Variants in MTAP observed in about 807,000 individuals in gnomAD.
The protein encoded by MTAP is S-methyl-5'-thioadenosine phosphorylase.
A neutral mutation model predicts 33.6 loss-of-function variants in MTAP; 33 were observed. That is an observed-to-expected ratio of 0.98 (90% confidence interval 0.74 to 1.31). The LOEUF (loss-of-function observed/expected upper bound fraction) is 1.31, where lower values mean the gene tolerates loss of function less well. Ranked by LOEUF, MTAP falls within the 40% of genes most tolerant of loss-of-function variation. The pLI is 0.00. For missense variants in MTAP, 367 were observed against 360.0 expected (o/e 1.02, Z -0.16); for synonymous variants, 148 against 125.7 (o/e 1.18, Z -1.19).
chr9:21,885,721 T>C (rs1818097262), intron 1 of MTAP, among the ~76,000 whole-genome samples: 1 of 151,940 alleles, frequency 6.6e-6, no homozygotes. Flanking sequence ...CCCAAATCCA[T>C]CCAGGTTGCT....
chr9:21,913,075 T>A (rs375512186), intron 1 of MTAP, among the ~76,000 whole-genome samples: 5 of 151,946 alleles, frequency 3.3e-5, no homozygotes, highest in Non-Finnish European at 5.9e-5. Context: ...CTTACAAGGG[T>A]TGTGAAGGAC....
intron 1 of MTAP, among the ~76,000 whole-genome samples, chr9:21,895,316 G>T (rs144945427): frequency 2.3e-4 from 35 of 152,322 alleles, no homozygotes; most frequent in African/African-American, 7.0e-4. Flanking sequence ...CATGGTACTT[G>T]TATTAGTCCA....
chr9:21,819,941 A>T (rs200744240), intron 4 of MTAP, among the ~76,000 whole-genome samples: 41 of 152,200 alleles, frequency 2.7e-4, no homozygotes, highest in African/African-American at 9.4e-4. Context: ...AATGTCTTCT[A>T]TTGAGAAGTG....
intron 1 of MTAP, among the ~76,000 whole-genome samples, chr9:21,900,007 T>A (rs1818363681): frequency 6.6e-6 from 1 of 152,140 alleles, no homozygotes; most frequent in Non-Finnish European, 1.5e-5. Context: ...ACCCCTTCCT[T>A]ATACCATATA....
chr9:21,833,235 G>T (rs1449167613), intron 4 of MTAP, among the ~76,000 whole-genome samples: 1 of 152,088 alleles, frequency 6.6e-6, no homozygotes, highest in Non-Finnish European at 1.5e-5. Context: ...GCCCAAGCTG[G>T]AGTACAGTGG....
chr9:21,815,608 T>A, intron 2 of MTAP, 89 bp downstream of exon 2: 1 of 656,956 alleles, frequency 1.5e-6, no homozygotes, highest in Non-Finnish European at 2.4e-6. Flanking sequence ...AAAAAAAGAA[T>A]TGCTTTTGTT....
chr9:21,894,193 T>G (rs191660151), intron 1 of MTAP, among the ~76,000 whole-genome samples: 30 of 140,644 alleles, frequency 2.1e-4, no homozygotes, highest in African/African-American at 8.0e-4. Flanking sequence ...TTTGATAAAA[T>G]TCAACATCCT....
intron 5 of MTAP, among the ~76,000 whole-genome samples, chr9:21,848,216 C>T (rs1027512905): frequency 1.3e-5 from 2 of 152,184 alleles, no homozygotes; most frequent in African/African-American, 4.8e-5. Flanking sequence ...CCATTTGCTT[C>T]TAGACCTATA....
intron 4 of MTAP, among the ~76,000 whole-genome samples, chr9:21,830,910 G>A (rs571716648): frequency 6.6e-6 from 1 of 152,262 alleles, no homozygotes; most frequent in South Asian, 2.1e-4. Context: ...TGTAAAGCTC[G>A]ACTTCGATGA....
chr9:21,910,990 C>G (rs1024305545), intron 1 of MTAP, among the ~76,000 whole-genome samples: 1 of 152,004 alleles, frequency 6.6e-6, no homozygotes, highest in South Asian at 2.1e-4. Flanking sequence ...CCTAGTCTCT[C>G]ATAAAACAGA....
At position 21,863,785 on chromosome 9, in the gene MTAP, T is replaced by A. The variant is rs1035787983; in HGVS notation, c.*1771T>A. On this transcript the variant is annotated 3_prime_UTR_variant, in exon 8 of 8. Transcript: ENST00000644715. ...TTAAAGAGTTTGTAAAGTCAATGTG[T>A]TTGTTTGTGTCTCTGAGATTGACTT... 20 of 985,672 alleles carry A rather than the reference T, an allele frequency of 2.0e-5. No individual in the cohort carries two copies. The highest frequency in any genetic ancestry group is 2.4e-5 in the Non-Finnish European group (20 of 829,880). The allele number at this position is 985,672 out of a possible 1,614,324, so 61.1% of individuals were successfully genotyped here. A position where few individuals can be genotyped will look rare whatever the true frequency, so the allele number is the denominator to read the frequency against.
At chr9:21,812,516 A>G (rs1023156250) in intron 1 of MTAP, among the ~76,000 whole-genome samples, 2 of 152,230 alleles carry the variant, frequency 1.3e-5, no homozygotes, top group Non-Finnish European at 2.9e-5. Flanking sequence ...ATTCCATCTC[A>G]GGTCTTGAAC....
intron 1 of MTAP, among the ~76,000 whole-genome samples, chr9:21,811,454 T>A (rs1398206336): frequency 6.6e-6 from 1 of 152,186 alleles, no homozygotes; most frequent in Admixed American, 6.5e-5. Flanking sequence ...AAAAAAATTT[T>A]TTTTTTCACT....
downstream of MTAP, chr9:21,933,246 A>T (rs1012434253): frequency 2.6e-5 from 4 of 152,240 alleles, no homozygotes; most frequent in Non-Finnish European, 5.9e-5. Context: ...TAGTTGCCAA[A>T]ATATGCTATC....
chr9:21,896,531 GCAAT>G, intron 1 of MTAP, among the ~76,000 whole-genome samples: 1 of 152,160 alleles, frequency 6.6e-6, no homozygotes, highest in East Asian at 1.9e-4. Flanking sequence ...TCAATTAGAT[GCAAT>G]AAAAAATGAT....
Position 21,865,310 on chromosome 9 carries a change from C to G in MTAP, c.*3296C>G. On this transcript the variant is annotated 3_prime_UTR_variant, in exon 8 of 8. Transcript: ENST00000644715. ...TGTGAAGAAGGACGTGTTTGTTTCC[C>G]CTTCTGCCACGATTGTAAGTTTCCT... The G allele has an allele frequency of 5.6e-6, 3 of 533,350 alleles. No homozygotes were observed. The highest frequency in any genetic ancestry group is 7.2e-6 in the Non-Finnish European group (3 of 417,198). The allele number at this position is 533,350 out of a possible 1,614,324, so 33.0% of individuals were successfully genotyped here.
At chr9:21,896,354 A>G (rs977997492) in intron 1 of MTAP, among the ~76,000 whole-genome samples, 1 of 152,226 alleles carries the variant, frequency 6.6e-6, no homozygotes, top group Non-Finnish European at 1.5e-5. Flanking sequence ...AAACACATTC[A>G]AAAGCTAGCA....
intron 1 of MTAP, among the ~76,000 whole-genome samples, chr9:21,810,279 G>C (rs1041384320): frequency 3.3e-5 from 5 of 152,256 alleles, no homozygotes; most frequent in Middle Eastern, 3.4e-3. Context: ...TCTGTATGTG[G>C]TTATATCCCA....
At chr9:21,859,663 A>G (rs186346016) in intron 7 of MTAP, 1 of 374,226 alleles carries the variant, frequency 2.7e-6, no homozygotes, top group South Asian at 6.1e-5. Context: ...TATCTCGTGT[A>G]CCAGATTCTT....
Sources: gnomAD v4.1 joint callset for allele counts (sites outside exome capture counted in the v4.1 genomes callset) on GRCh38, gnomAD v4.1.1 for gene constraint, MANE v1.5 for transcripts, NCBI Gene and HGNC (gene_info 2026-07-23, HGNC 2026-07-21) for gene names.